PM20D2: variants seen among roughly 807,000 people sequenced by gnomAD.
The protein encoded by PM20D2 is xaa-Arg dipeptidase.
In PM20D2, 33 loss-of-function variants were observed where a neutral mutation model predicts 42.9. That is an observed-to-expected ratio of 0.77 (90% CI 0.58 to 1.03). The LOEUF is 1.03. PM20D2 is among the 50% of genes least tolerant of loss of function. The pLI, the probability that PM20D2 is intolerant of heterozygous loss-of-function variation, is 0.00. For missense variants in PM20D2, 548 were observed against 557.0 expected (o/e 0.98, Z 0.16); for synonymous variants, 250 against 228.2 (o/e 1.10, Z -0.86).
the PM20D2 span, among the ~76,000 whole-genome samples, chr6:89,099,271 A>G: frequency 6.6e-6 from 1 of 151,934 alleles, no homozygotes; most frequent in African/African-American, 2.4e-5. Flanking sequence ...GATTAAAAAA[A>G]TCAATTATTT....
chr6:89,158,592 A>G, intron 5 of PM20D2, 132 bp downstream of exon 5: 2 of 995,886 alleles, frequency 2.0e-6, no homozygotes, highest in East Asian at 2.6e-5. Context: ...CACAAACTTT[A>G]TGGTTAGGGG....
chr6:89,109,230 A>G, the PM20D2 span, among the ~76,000 whole-genome samples: 1 of 152,134 alleles, frequency 6.6e-6, no homozygotes, highest in East Asian at 1.9e-4. Context: ...AGTGTTTTCC[A>G]TAGTGAGGCC....
the PM20D2 span, among the ~76,000 whole-genome samples, chr6:89,113,919 AG>A: frequency 6.6e-6 from 1 of 152,322 alleles, no homozygotes; most frequent in Admixed American, 6.5e-5. Flanking sequence ...CTGGGATTAC[AG>A]GCATGAGCCA....
At chr6:89,129,783 C>G in the PM20D2 span, among the ~76,000 whole-genome samples, 1 of 151,914 alleles carries the variant, frequency 6.6e-6, no homozygotes, top group Non-Finnish European at 1.5e-5. Context: ...TTTGTAGAGA[C>G]AGGATCTTGC....
At chr6:89,106,173 T>C in the PM20D2 span, among the ~76,000 whole-genome samples, 3 of 152,138 alleles carry the variant, frequency 2.0e-5, no homozygotes, top group Non-Finnish European at 2.9e-5. Flanking sequence ...CAGGCTGGAG[T>C]GCAATGGCGC....
the PM20D2 span, among the ~76,000 whole-genome samples, chr6:89,127,191 A>G: frequency 6.6e-6 from 1 of 152,190 alleles, no homozygotes; most frequent in South Asian, 2.1e-4. Flanking sequence ...GAGATGATAG[A>G]ATTATAATGT....
rs541695940 is a variant in PM20D2 at position 89,162,491 on chromosome 6, T to C, written c.*228T>C. 48 of 368,916 alleles carry C rather than the reference T, an allele frequency of 1.3e-4. No homozygotes were observed. In the South Asian group the frequency reaches 2.8e-3, roughly 21 times the overall value. The allele number at this position is 368,916 out of a possible 1,614,324, so 22.9% of individuals were successfully genotyped here. A position where few individuals can be genotyped will look rare whatever the true frequency, so the allele number is the denominator to read the frequency against. ...TGATATTACAGGAGCTGGTATGTGATGCCATTCTTTCTTTTTTTTTACCCC... is the reference window on the plus strand; with the variant it reads ...TGATATTACAGGAGCTGGTATGTGACGCCATTCTTTCTTTTTTTTTACCCC... On this transcript the variant is annotated 3_prime_UTR_variant, in exon 7 of 7. Transcript: ENST00000275072.
chr6:89,146,034 C>A, upstream of PM20D2: 3 of 972,154 alleles, frequency 3.1e-6, no homozygotes, highest in Non-Finnish European at 4.1e-6. Flanking sequence ...TGTGTGGCCG[C>A]GTGCGCGCTC....
chr6:89,142,036 G>A (rs904797414), upstream of PM20D2, among the ~76,000 whole-genome samples: 2 of 146,680 alleles, frequency 1.4e-5, no homozygotes, highest in East Asian at 2.0e-4. Flanking sequence ...TGTCCTGGCT[G>A]GTTTTGAACC....
the PM20D2 span, chr6:89,098,776 C>T: frequency 6.2e-7 from 1 of 1,613,938 alleles, no homozygotes; most frequent in Non-Finnish European, 8.5e-7. Context: ...GTGAACTTGA[C>T]TGTGATTTTC....
chr6:89,102,805 G>A, the PM20D2 span, among the ~76,000 whole-genome samples: 1 of 152,150 alleles, frequency 6.6e-6, no homozygotes, highest in African/African-American at 2.4e-5. Flanking sequence ...AGGTTGGAGT[G>A]CAGTGGTGCA....
intron 4 of PM20D2, among the ~76,000 whole-genome samples, chr6:89,155,294 G>T (rs551725055): frequency 7.5e-6 from 1 of 133,296 alleles, no homozygotes; most frequent in Non-Finnish European, 1.6e-5. Context: ...TTGGTGGGGG[G>T]ACAGGGTGTT....
the PM20D2 span, among the ~76,000 whole-genome samples, chr6:89,124,280 G>A: frequency 2.0e-5 from 3 of 152,202 alleles, no homozygotes; most frequent in Admixed American, 6.5e-5. Context: ...GTATGGTGGT[G>A]TGTGCCTGTA....
upstream of PM20D2, among the ~76,000 whole-genome samples, chr6:89,141,739 T>C (rs181134128): frequency 6.6e-6 from 1 of 152,350 alleles, no homozygotes; most frequent in Admixed American, 6.5e-5. Context: ...CAATTATTCT[T>C]GTAGAACAAA....
At chr6:89,098,005 T>A in the PM20D2 span, 1 of 152,314 alleles carries the variant, frequency 6.6e-6, no homozygotes, top group Non-Finnish European at 1.5e-5. Context: ...AATAAAAATA[T>A]AACCTTTGAG....
At chr6:89,153,332 C>A in intron 3 of PM20D2, 147 bp downstream of exon 3, 1 of 581,830 alleles carries the variant, frequency 1.7e-6, no homozygotes, top group Non-Finnish European at 2.6e-6. Flanking sequence ...TTCAGAAATT[C>A]ATGTGACAGG....
chr6:89,102,323 T>C, the PM20D2 span, among the ~76,000 whole-genome samples: 3 of 152,130 alleles, frequency 2.0e-5, no homozygotes, highest in Non-Finnish European at 4.4e-5. Context: ...TTTGTATTTT[T>C]AGTAGAGATG....
the PM20D2 span, among the ~76,000 whole-genome samples, chr6:89,100,783 G>A: frequency 6.6e-6 from 1 of 152,100 alleles, no homozygotes; most frequent in Non-Finnish European, 1.5e-5. Context: ...TCATTAGATG[G>A]TCTTAACAGC....
the PM20D2 span, among the ~76,000 whole-genome samples, chr6:89,101,957 AT>A: frequency 2.0e-5 from 3 of 152,156 alleles, no homozygotes; most frequent in South Asian, 6.2e-4. Context: ...GATGTGTACT[AT>A]AAGAAATACT....
Sources: allele counts gnomAD v4.1 joint callset (sites outside exome capture counted in the v4.1 genomes callset), GRCh38; gene constraint gnomAD v4.1.1; transcripts MANE v1.5; gene names NCBI Gene and HGNC (gene_info 2026-07-23, HGNC 2026-07-21).